FAM193A: variants seen among roughly 807,000 people sequenced by gnomAD.
FAM193A encodes the protein family with sequence similarity 193 member A.
A neutral mutation model predicts 126.5 loss-of-function variants in FAM193A; 22 were observed. The observed-to-expected ratio is 0.17, with a 90% confidence interval of 0.12 to 0.25. The LOEUF (loss-of-function observed/expected upper bound fraction) is 0.25. Among genes scored for constraint, FAM193A ranks in the 10% least tolerant of loss-of-function variants. FAM193A has a pLI of 1.00. For synonymous variants in FAM193A, 761 were observed against 646.8 expected, an observed-to-expected ratio of 1.18 and a Z score of -2.68; for missense variants, 1,675 against 1,672.8, an observed-to-expected ratio of 1.00 and a Z score of -0.02.
At chr4:2,615,969 G>T (rs1422491123) in intron 2 of FAM193A, among the ~76,000 whole-genome samples, 1 of 152,096 alleles carries the variant, frequency 6.6e-6, no homozygotes, top group Non-Finnish European at 1.5e-5. Context: ...ACGCCACCAT[G>T]CCCGGCTAAT....
chr4:2,598,450 G>A (rs866489282), intron 2 of FAM193A, among the ~76,000 whole-genome samples: 2 of 152,180 alleles, frequency 1.3e-5, no homozygotes, highest in African/African-American at 4.8e-5. Context: ...TCCTTTTTAT[G>A]TGTTGCTGGA....
Position 2,608,558 on chromosome 4 carries a change from T to C in FAM193A, c.501+12229T>C, listed in dbSNP as rs367978466. 2.6e-4 allele frequency among the ~76,000 whole-genome samples: 40 copies of C among 152,284 alleles called. 1 individual carries two copies. In the South Asian group the frequency reaches 8.3e-3, roughly 32 times the overall value. On this transcript the variant is annotated intron_variant, in intron 2 of 20. Transcript: ENST00000637812. ...GGTAGTGGGAAGCATATTTAGATCA[T>C]GGGCGGGTCAGCAATATGCCCATGG...
chr4:2,625,884 G>A (rs1025607831), intron 3 of FAM193A, among the ~76,000 whole-genome samples: 3 of 151,870 alleles, frequency 2.0e-5, no homozygotes, highest in East Asian at 3.9e-4. Context: ...CCACCATGTC[G>A]GGCTAATTTT....
At chr4:2,643,002 G>T (rs1744792139) in intron 6 of FAM193A, among the ~76,000 whole-genome samples, 1 of 152,010 alleles carries the variant, frequency 6.6e-6, no homozygotes, top group African/African-American at 2.4e-5. Flanking sequence ...GGGTATGATG[G>T]TCAGACTCCA....
chr4:2,680,803 G>A (rs1031117197), intron 13 of FAM193A, among the ~76,000 whole-genome samples: 6 of 151,626 alleles, frequency 4.0e-5, no homozygotes, highest in Non-Finnish European at 7.4e-5. Flanking sequence ...CACCATGCCC[G>A]GCTAATTTTT....
intron 18 of FAM193A, among the ~76,000 whole-genome samples, chr4:2,697,837 C>T (rs765207157): frequency 1.3e-5 from 2 of 152,222 alleles, no homozygotes; most frequent in Non-Finnish European, 2.9e-5. Context: ...CATTCAGGAG[C>T]GTCCAGCATC....
chr4:2,638,057 A>T (rs1227020342), intron 5 of FAM193A, among the ~76,000 whole-genome samples: 1 of 152,216 alleles, frequency 6.6e-6, no homozygotes, highest in Non-Finnish European at 1.5e-5. Context: ...CCACTCATAG[A>T]CAGGCAGGTG....
intron 2 of FAM193A, chr4:2,615,181 G>A (rs1560483142): frequency 6.6e-6 from 1 of 152,268 alleles, no homozygotes; most frequent in Admixed American, 6.6e-5. Flanking sequence ...ATCTGTACTG[G>A]TTGTGAACAG....
chr4:2,619,386 T>C (rs549968880), intron 2 of FAM193A, among the ~76,000 whole-genome samples: 8 of 152,192 alleles, frequency 5.3e-5, no homozygotes, highest in Admixed American at 3.9e-4. Context: ...CACTGCAACC[T>C]CCGCCTCCTG....
intron 1 of FAM193A, among the ~76,000 whole-genome samples, chr4:2,573,695 G>A (rs868578576): frequency 9.2e-5 from 14 of 151,996 alleles, no homozygotes; most frequent in African/African-American, 3.4e-4. Context: ...CCTACCTGTC[G>A]GGCTCTGTTC....
chr4:2,716,888 C>G (rs1470204095), intron 20 of FAM193A, among the ~76,000 whole-genome samples: 1 of 152,168 alleles, frequency 6.6e-6, no homozygotes, highest in Non-Finnish European at 1.5e-5. Flanking sequence ...GGTTACCAGA[C>G]TGGTCTCAAA....
intron 4 of FAM193A, among the ~76,000 whole-genome samples, chr4:2,628,613 G>C (rs897824099): frequency 1.3e-5 from 2 of 152,018 alleles, no homozygotes; most frequent in African/African-American, 4.8e-5. Flanking sequence ...CACCAGCCTG[G>C]GCAACAGAGT....
intron 6 of FAM193A, among the ~76,000 whole-genome samples, chr4:2,644,206 A>G (rs1010930149): frequency 2.0e-5 from 3 of 152,190 alleles, no homozygotes; most frequent in Non-Finnish European, 2.9e-5. Flanking sequence ...CAACAAAGAT[A>G]TCCACAAACC....
At position 2,662,941 on chromosome 4, in the gene FAM193A, A is replaced by G. The variant is rs1436938411; in HGVS notation, c.1849A>G (p.Ile617Val). The part of the protein sequence containing the change: ...DTEVVANMNG[I>V]HSELNGGGEN... ...CGAGGTGGTGGCCAACATGAATGGA[A>G]TCCACAGCGAATTGAATGGTGGCGG... is the stretch of plus-strand genomic sequence containing the variant. The change falls in exon 11 of 21, where the codon ATC becomes GTC. Residue 617 changes from isoleucine (I) to valine (V), a missense_variant. Physicochemically the swap from Ile to Val is conservative, Grantham distance 29 (BLOSUM62 3). Transcript: ENST00000637812. 6.2e-7 allele frequency: 1 copy of G among 1,613,642 alleles called. No homozygotes were observed. The highest frequency in any genetic ancestry group is 8.5e-7 in the Non-Finnish European group (1 of 1,179,662).
At chr4:2,712,326 C>T (rs1029916607) in intron 19 of FAM193A, among the ~76,000 whole-genome samples, 2 of 152,130 alleles carry the variant, frequency 1.3e-5, no homozygotes, top group African/African-American at 4.8e-5. Flanking sequence ...TCTTCTGTGG[C>T]TTATTATTAA....
intron 5 of FAM193A, 57 bp downstream of exon 5, chr4:2,631,226 G>A: frequency 6.7e-7 from 1 of 1,502,938 alleles, no homozygotes; most frequent in Non-Finnish European, 9.1e-7. Context: ...GAAGCATGTG[G>A]CAAGAGGAAG....
At chr4:2,713,514 A>T (rs1443244184) in intron 19 of FAM193A, among the ~76,000 whole-genome samples, 1 of 151,876 alleles carries the variant, frequency 6.6e-6, no homozygotes, top group Non-Finnish European at 1.5e-5. Flanking sequence ...TTCCCTGTGT[A>T]CCCCCTCGTG....
chr4:2,577,422 G>GTTTTTTGTTTTTTTTTTTT (rs1553888655), intron 1 of FAM193A, among the ~76,000 whole-genome samples: 1 of 115,542 alleles, frequency 8.7e-6, no homozygotes, highest in African/African-American at 3.4e-5. Flanking sequence ...TTTTTTTTTT[G>GTTTTTTGTTTTTTTTTTTT]TTTTTTTTTT....
intron 19 of FAM193A, among the ~76,000 whole-genome samples, chr4:2,703,348 G>C (rs1322821453): frequency 1.3e-5 from 2 of 152,176 alleles, no homozygotes; most frequent in Admixed American, 6.5e-5. Flanking sequence ...CCAGGTTGAA[G>C]CAATTCTCCC....
Sources: gnomAD v4.1 joint callset for allele counts (sites outside exome capture counted in the v4.1 genomes callset) on GRCh38, gnomAD v4.1.1 for gene constraint, MANE v1.5 for transcripts, NCBI Gene and HGNC (gene_info 2026-07-23, HGNC 2026-07-21) for gene names.